The following NOL10 variants were observed in gnomAD, a reference collection of about 807,000 sequenced individuals.
NOL10 encodes H_NH0074G24.1.
In NOL10, 58 loss-of-function variants were observed where a neutral mutation model predicts 103.5. The observed-to-expected ratio is 0.56, with a 90% CI of 0.45 to 0.70. NOL10 has a LOEUF of 0.70. NOL10 is among the 30% of genes least tolerant of loss of function. NOL10 has a pLI of 0.00. For missense variants in NOL10, 763 were observed against 807.3 expected (o/e 0.95, Z 0.67); for synonymous variants, 287 against 282.5 (o/e 1.02, Z -0.16).
chr2:10,608,448 A>G (rs920032767), intron 13 of NOL10, among the ~76,000 whole-genome samples: 3 of 152,218 alleles, frequency 2.0e-5, no homozygotes, highest in Non-Finnish European at 4.4e-5. Context: ...GCTGAGGTCA[A>G]TGTATGCCAA....
intron 14 of NOL10, among the ~76,000 whole-genome samples, chr2:10,603,388 C>T (rs1276173068): frequency 6.6e-6 from 1 of 152,126 alleles, no homozygotes; most frequent in Non-Finnish European, 1.5e-5. Flanking sequence ...TGAGAAAGTC[C>T]TTATGAACTA....
chr2:10,630,473 G>A (rs186697652), intron 13 of NOL10, among the ~76,000 whole-genome samples: 82 of 152,286 alleles, frequency 5.4e-4, no homozygotes, highest in African/African-American at 1.9e-3. Flanking sequence ...AGCACTTTGG[G>A]AGGCTGAGGC....
At chr2:10,646,901 T>A (rs1218964971) in intron 12 of NOL10, among the ~76,000 whole-genome samples, 2 of 152,238 alleles carry the variant, frequency 1.3e-5, no homozygotes, top group African/African-American at 2.4e-5. Context: ...GTGAAAGATG[T>A]GTTTAATATA....
At chr2:10,656,788 A>G (rs1003352342) in intron 11 of NOL10, among the ~76,000 whole-genome samples, 2 of 152,240 alleles carry the variant, frequency 1.3e-5, no homozygotes, top group African/African-American at 4.8e-5. Flanking sequence ...CTGTTTTTAA[A>G]CTAAAAATGC....
chr2:10,607,345 C>T, intron 13 of NOL10, 34 bp from the exon 14 acceptor site: 1 of 1,567,280 alleles, frequency 6.4e-7, no homozygotes, highest in East Asian at 2.3e-5. Flanking sequence ...AGCAAAGGCA[C>T]AGTTTACCAC....
In NOL10 at chr2:10,629,433, CAAGAT is replaced by C. The variant is rs781262675; in HGVS notation, c.1026+14882_1026+14886del. ...AAGAAATGTTTAGTGGGAAAAAAAA[CAAGAT>C]AAGAAACCATATTAACAAAGTTTCA... On this transcript the variant is annotated intron_variant, in intron 13 of 20. Coordinates refer to ENST00000381685, the MANE Select transcript of NOL10 (RefSeq NM_024894.4). Among the ~76,000 whole-genome samples, 43 of 151,420 alleles carry C rather than the reference CAAGAT, an allele frequency of 2.8e-4. No individual in the cohort carries two copies. The East Asian group carries it at 7.8e-3, about 27-fold the overall frequency.
At chr2:10,599,016 T>C (rs1675840453) in intron 17 of NOL10, among the ~76,000 whole-genome samples, 1 of 152,300 alleles carries the variant, frequency 6.6e-6, no homozygotes, top group Middle Eastern at 3.4e-3. Context: ...ATTTCCACCA[T>C]CCTGCACTAT....
chr2:10,622,308 T>C (rs1677194262), intron 13 of NOL10, among the ~76,000 whole-genome samples: 1 of 152,214 alleles, frequency 6.6e-6, no homozygotes, highest in Admixed American at 6.5e-5. Context: ...GAGAATAGTA[T>C]AAGGAGACCC....
At chr2:10,668,235 A>T (rs192388383) in intron 7 of NOL10, among the ~76,000 whole-genome samples, 2 of 152,228 alleles carry the variant, frequency 1.3e-5, no homozygotes, top group Non-Finnish European at 2.9e-5. Flanking sequence ...TGCATAGTAC[A>T]TATGTGTAGA....
At chr2:10,634,601 A>G (rs964880131) in intron 13 of NOL10, 2 of 456,734 alleles carry the variant, frequency 4.4e-6, no homozygotes, top group South Asian at 3.1e-5. Context: ...CAGCTGTTAT[A>G]TAAAGCCTAG....
intron 13 of NOL10, among the ~76,000 whole-genome samples, chr2:10,642,573 AGGCTCG>A (rs1405630639): frequency 6.6e-6 from 1 of 151,948 alleles, no homozygotes; most frequent in Non-Finnish European, 1.5e-5. Context: ...CTGCCCCCAC[AGGCTCG>A]AATGCTCAGC....
intron 13 of NOL10, among the ~76,000 whole-genome samples, chr2:10,640,709 G>A (rs900712002): frequency 1.3e-5 from 2 of 151,950 alleles, no homozygotes; most frequent in African/African-American, 4.8e-5. Flanking sequence ...GAACAAAAAC[G>A]CCCACCCTAA....
In NOL10 at chr2:10,572,115, C is replaced by T. The variant is rs191584876; in HGVS notation, c.2023G>A (p.Gly675Arg). The T allele has an allele frequency of 1.5e-5, 25 of 1,613,958 alleles. No homozygotes were observed. The highest frequency in any genetic ancestry group is 2.7e-5 in the African/African-American group (2 of 75,030). Reference sequence around the variant, plus strand: ...CTTTTGTGTCTTGACTTCAGGTGTCCGGCCGAACGACGGAGTCTTTTCCTT... The same window carrying T: ...CTTTTGTGTCTTGACTTCAGGTGTCTGGCCGAACGACGGAGTCTTTTCCTT... ...QERKRLRRSA[G>R]HLKSRHKRGR... Residue 675 changes from glycine to arginine, a missense_variant, in exon 21 of 21, where the codon GGA becomes AGA. Coordinates refer to ENST00000381685, the MANE Select transcript of NOL10 (RefSeq NM_024894.4).
intron 3 of NOL10, among the ~76,000 whole-genome samples, chr2:10,678,726 T>C (rs951719986): frequency 9.9e-5 from 15 of 152,110 alleles, no homozygotes; most frequent in Admixed American, 2.6e-4. Flanking sequence ...GAGAAAGAAG[T>C]AGGGATAGAT....
At chr2:10,663,583 T>C (rs1221730371) in intron 8 of NOL10, among the ~76,000 whole-genome samples, 1 of 152,098 alleles carries the variant, frequency 6.6e-6, no homozygotes, top group Non-Finnish European at 1.5e-5. Context: ...ATGCAAAATA[T>C]ATATATCACT....
intron 6 of NOL10, among the ~76,000 whole-genome samples, chr2:10,669,278 C>A (rs1160293105): frequency 1.3e-5 from 2 of 150,626 alleles, no homozygotes; most frequent in Admixed American, 6.6e-5. Context: ...TTAGTAGAGG[C>A]GAGGTTTCAC....
At chr2:10,657,326 A>G (rs1006288269) in intron 11 of NOL10, among the ~76,000 whole-genome samples, 6 of 152,244 alleles carry the variant, frequency 3.9e-5, no homozygotes, top group African/African-American at 1.4e-4. Context: ...AAAAAAAAAA[A>G]TCAAATAGGA....
chr2:10,669,254 A>AT (rs928788050), intron 6 of NOL10, among the ~76,000 whole-genome samples: 2 of 150,052 alleles, frequency 1.3e-5, no homozygotes, highest in Admixed American at 6.7e-5. Flanking sequence ...GTCTCAAACT[A>AT]TTTTTTTGTA....
At position 10,659,666 on chromosome 2, in the gene NOL10, T is replaced by C. The variant is rs1489503683; in HGVS notation, c.678-416A>G. ...CCACTGCGCTGCAGTGGAGCTCTGC[T>C]GGGACAACAGAGCAAGACCCTGTCT... On this transcript the variant is annotated intron_variant, in intron 9 of 20. Coordinates refer to ENST00000381685, the MANE Select transcript of NOL10 (RefSeq NM_024894.4). 2.0e-5 allele frequency among the ~76,000 whole-genome samples: 3 copies of C among 152,270 alleles called. No homozygotes were observed. The East Asian group carries it at 5.8e-4, about 29-fold the overall frequency.
Sources: gnomAD v4.1 joint callset for allele counts (sites outside exome capture counted in the v4.1 genomes callset) on GRCh38, gnomAD v4.1.1 for gene constraint, MANE v1.5 for transcripts, NCBI Gene and HGNC (gene_info 2026-07-23, HGNC 2026-07-21) for gene names.